Variants in HERC2 observed in about 807,000 individuals in gnomAD.
The protein encoded by HERC2 is HECT and RLD domain containing E3 ubiquitin protein ligase 2.
HERC2 carries 102 observed loss-of-function variants against 537.7 expected under a neutral mutation model. The ratio of observed to expected loss-of-function variants is 0.19; its 90% CI spans 0.16 to 0.22. HERC2 has a LOEUF of 0.22. Ranked by LOEUF, HERC2 falls within the 10% of genes least tolerant of loss-of-function variation. The probability of loss-of-function intolerance (pLI) is 1.00; values close to 1 mark genes in which losing one functional copy is unlikely to be tolerated. For missense variants in HERC2, 4,236 were observed against 6,198.2 expected, an observed-to-expected ratio of 0.68 and a Z score of 10.63; for synonymous variants, 2,224 against 2,466.2, an observed-to-expected ratio of 0.90 and a Z score of 2.91.
intron 2 of HERC2, among the ~76,000 whole-genome samples, chr15:28,308,335 T>C (rs2076848771): frequency 6.6e-6 from 1 of 152,234 alleles, no homozygotes; most frequent in Admixed American, 6.5e-5. Context: ...GGATTACTTT[T>C]CTAATTTCTT....
chr15:28,268,379 C>A lies in HERC2; in HGVS notation c.1598+86G>T. 1 of 1,317,952 alleles carries A rather than the reference C, an allele frequency of 7.6e-7. No homozygotes were observed. Among genetic ancestry groups the A allele is most frequent in the Admixed American group, 2.0e-5 (1 of 51,030 alleles). The allele number at this position is 1,317,952 out of a possible 1,614,324, so 81.6% of individuals were successfully genotyped here. ...ACATGTCAGGGCAATTGGAAAACAC[C>A]TGGACACACTTCTGCGCTCCATCCT... On this transcript the variant is annotated intron_variant, in intron 12 of 92. Transcript: ENST00000261609. This position sits in a 1 kb window ranked among gnomAD's most constrained non-coding sequence, Gnocchi z 4.7.
intron 70 of HERC2, among the ~76,000 whole-genome samples, chr15:28,147,981 G>A (rs1223453317): frequency 6.6e-6 from 1 of 151,202 alleles, no homozygotes; most frequent in Non-Finnish European, 1.5e-5. Context: ...AGGCTGCAGT[G>A]AGTCAGAATC....
At position 28,214,134 on chromosome 15, in the gene HERC2, T is replaced by A; in HGVS notation, c.6497A>T (p.Tyr2166Phe). ...LTQWNGLINKYINSQLRSITH... is the reference protein window; with the variant it reads ...LTQWNGLINKFINSQLRSITH... ...GATGGAGCGGAGCTGGGAGTTGATG[T>A]ACTTGTTGATGAGCCCATTCCACTG... Residue 2166 changes from tyrosine (Y) to phenylalanine (F), a missense_variant, in exon 41 of 93, where the codon TAC (tyrosine) becomes TTC (phenylalanine). Coordinates refer to ENST00000261609, the MANE Select transcript of HERC2 (RefSeq NM_004667.6). 6.2e-7 allele frequency: 1 copy of A among 1,614,120 alleles called. No individual in the cohort carries two copies. The highest frequency in any genetic ancestry group is 8.5e-7 in the Non-Finnish European group (1 of 1,180,004).
At chr15:28,251,260 T>C (rs2140855877) in intron 20 of HERC2, among the ~76,000 whole-genome samples, 1 of 151,902 alleles carries the variant, frequency 6.6e-6, no homozygotes, top group Middle Eastern at 3.4e-3. Context: ...CCAGCCAACA[T>C]GGGGAAACCC....
chr15:28,127,074 A>T (rs1889573850), intron 83 of HERC2, among the ~76,000 whole-genome samples: 1 of 152,164 alleles, frequency 6.6e-6, no homozygotes, highest in Middle Eastern at 3.2e-3. Flanking sequence ...CACCATCAGG[A>T]TTGTCAAATC....
intron 69 of HERC2, among the ~76,000 whole-genome samples, chr15:28,157,822 A>G (rs1210181336): frequency 1.3e-5 from 2 of 151,862 alleles, no homozygotes; most frequent in African/African-American, 4.8e-5. Context: ...AGTTCTTTTA[A>G]TTGTGATGTT....
At chr15:28,194,986 G>T (rs538647487) in intron 52 of HERC2, among the ~76,000 whole-genome samples, 1 of 151,320 alleles carries the variant, frequency 6.6e-6, no homozygotes, top group African/African-American at 2.4e-5. Flanking sequence ...AGCCCGGGAG[G>T]TGTCAGTTAC....
At chr15:28,132,002 G>C in intron 81 of HERC2, 98 bp downstream of exon 81, 1 of 1,061,742 alleles carries the variant, frequency 9.4e-7, no homozygotes, top group Non-Finnish European at 1.3e-6. Flanking sequence ...ACGGGGGACA[G>C]TAATGGTGGC....
At chr15:28,280,513 G>A (rs966475142) in intron 4 of HERC2, among the ~76,000 whole-genome samples, 13 of 152,256 alleles carry the variant, frequency 8.5e-5, no homozygotes, top group African/African-American at 3.1e-4. Context: ...GGCACCAAGT[G>A]GTTAAGCAAC....
chr15:28,303,036 T>G (rs2076677187), intron 2 of HERC2, among the ~76,000 whole-genome samples: 1 of 151,496 alleles, frequency 6.6e-6, no homozygotes, highest in Non-Finnish European at 1.5e-5. Context: ...ATTTTAGCTT[T>G]GGTTGCCTGT....
chr15:28,280,291 G>C lies in HERC2; in HGVS notation c.323-4C>G, dbSNP rs745912817. 2.5e-6 allele frequency: 4 copies of C among 1,600,546 alleles called. No homozygotes were observed. Among genetic ancestry groups the C allele is most frequent in the Non-Finnish European group, 3.4e-6 (4 of 1,174,364 alleles). On this transcript the variant is annotated splice_polypyrimidine_tract_variant and splice_region_variant and intron_variant, in intron 4 of 92. Coordinates refer to ENST00000261609, the MANE Select transcript of HERC2 (RefSeq NM_004667.6). ...CACTCCTTCAGTTCATTCACATCTA[G>C]AAAATAAGACAAGAAAACATCTCAC...
Position 28,194,463 on chromosome 15 carries a change from G to A in HERC2, c.8260+1752C>T, listed in dbSNP as rs1219869304. 4.0e-5 allele frequency among the ~76,000 whole-genome samples: 6 copies of A among 151,564 alleles called. No individual in the cohort carries two copies. The East Asian group carries it at 6.1e-4, about 15-fold the overall frequency. ...CGGGCGCCTGTAGTCGCAGCTACTCGGGAGGCTGAAGCGGGAGAATGGCAT... is the reference window on the plus strand; with the variant it reads ...CGGGCGCCTGTAGTCGCAGCTACTCAGGAGGCTGAAGCGGGAGAATGGCAT... On this transcript the variant is annotated intron_variant, in intron 52 of 92. Coordinates refer to ENST00000261609, the MANE Select transcript of HERC2 (RefSeq NM_004667.6).
intron 79 of HERC2, 21 bp from the exon 80 acceptor site, chr15:28,132,851 A>G: frequency 6.6e-7 from 1 of 1,511,084 alleles, no homozygotes; most frequent in Non-Finnish European, 8.9e-7. Context: ...GTCACCAAAT[A>G]TAATGGAAAC....
At chr15:28,287,612 G>A (rs1318146332) in intron 4 of HERC2, among the ~76,000 whole-genome samples, 2 of 151,952 alleles carry the variant, frequency 1.3e-5, no homozygotes, top group African/African-American at 2.4e-5. Context: ...CACTGACTTA[G>A]GAGCTTCAAA....
chr15:28,308,639 G>C (rs1239013521), intron 2 of HERC2, among the ~76,000 whole-genome samples: 1 of 152,224 alleles, frequency 6.6e-6, no homozygotes, highest in African/African-American at 2.4e-5. Context: ...GATCTTAGAG[G>C]AAAGACTTTC....
chr15:28,240,090 G>A (rs1166989687), intron 23 of HERC2, among the ~76,000 whole-genome samples: 1 of 152,040 alleles, frequency 6.6e-6, no homozygotes, highest in Non-Finnish European at 1.5e-5. Context: ...GAGGTAAAAT[G>A]CCTTAAAATG....
In HERC2 at chr15:28,187,898, A is replaced by C. The variant is rs76959019; in HGVS notation, c.8650-1146T>G. 2.0e-4 allele frequency among the ~76,000 whole-genome samples: 30 copies of C among 152,308 alleles called. No individual in the cohort carries two copies. In the East Asian group the frequency reaches 3.3e-3, roughly 17 times the overall value. ...CGACTGCATGCCTGCTGTGGTACTG[A>C]CAACATTCCTCCATCACTGTATTTC... is the stretch of plus-strand genomic sequence containing the variant. On this transcript the variant is annotated intron_variant, in intron 55 of 92. Transcript: ENST00000261609.
chr15:28,179,023 C>T lies in HERC2; in HGVS notation c.9027G>A (p.Val3009=). Residue 3009 remains valine (V), a synonymous_variant, in exon 59 of 93, where the codon GTG becomes GTA. Transcript: ENST00000261609. ...GGSKSLFAVT[V]EGKVYACGEA... is the part of the protein sequence containing the mutation. ...CTCCACAGGCATACACCTTCCCTTCCACAGTCACTGCAAGGAACGACAGCC... is the reference window on the plus strand; with the variant it reads ...CTCCACAGGCATACACCTTCCCTTCTACAGTCACTGCAAGGAACGACAGCC... The T allele has an allele frequency of 1.2e-6, 2 of 1,613,758 alleles. No individual in the cohort carries two copies. Among genetic ancestry groups the T allele is most frequent in the Non-Finnish European group, 1.7e-6 (2 of 1,179,734 alleles).
At position 28,177,263 on chromosome 15, in the gene HERC2, G is replaced by A. The variant is rs953312511; in HGVS notation, c.9255-136C>T. On this transcript the variant is annotated intron_variant, in intron 60 of 92. Coordinates refer to ENST00000261609, the MANE Select transcript of HERC2 (RefSeq NM_004667.6). The surrounding 1 kb of genome is among the most constrained non-coding windows in gnomAD (Gnocchi z 5.0). Reference sequence around the variant, plus strand: ...AACTATCAAAACTTAAAGCAGAACCGGTGAGACCAAAACACAAACAACCGT... The same window carrying A: ...AACTATCAAAACTTAAAGCAGAACCAGTGAGACCAAAACACAAACAACCGT... The A allele has an allele frequency of 3.0e-5, 36 of 1,209,090 alleles. 1 individual carries two copies. The South Asian group carries it at 3.7e-4, about 12-fold the overall frequency. The allele number at this position is 1,209,090 out of a possible 1,614,324, so 74.9% of individuals were successfully genotyped here. A position where few individuals can be genotyped will look rare whatever the true frequency, so the allele number is the denominator to read the frequency against.
Sources: allele counts gnomAD v4.1 joint callset (sites outside exome capture counted in the v4.1 genomes callset), GRCh38; gene constraint gnomAD v4.1.1; non-coding constraint Gnocchi (gnomAD v3.1); transcripts MANE v1.5; gene names NCBI Gene and HGNC (gene_info 2026-07-23, HGNC 2026-07-21).